TMPRSS6: variants seen among roughly 807,000 people sequenced by gnomAD.
The protein encoded by TMPRSS6 is transmembrane protease serine 6.
TMPRSS6 carries 67 observed loss-of-function variants against 101.5 expected under a neutral mutation model. That is an observed-to-expected ratio of 0.66 (90% CI 0.54 to 0.81). The LOEUF (loss-of-function observed/expected upper bound fraction) is 0.81, where lower values mean the gene tolerates loss of function less well. Ranked by LOEUF, TMPRSS6 falls within the 30% of genes least tolerant of loss-of-function variation. The pLI, the probability that TMPRSS6 is intolerant of heterozygous loss-of-function variation, is 0.00. For missense variants in TMPRSS6, 1,034 were observed against 1,088.7 expected (o/e 0.95, Z 0.71); for synonymous variants, 453 against 464.9 (o/e 0.97, Z 0.33).
At chr22:37,087,237 A>G (rs1343139364) in intron 7 of TMPRSS6, among the ~76,000 whole-genome samples, 1 of 152,134 alleles carries the variant, frequency 6.6e-6, no homozygotes, top group African/African-American at 2.4e-5. Context: ...AGTCCAGCGC[A>G]TCTGATGGGT....
chr22:37,067,034 A>T, intron 16 of TMPRSS6, 72 bp from the exon 17 acceptor site: 1 of 1,587,902 alleles, frequency 6.3e-7, no homozygotes, highest in South Asian at 1.1e-5. Context: ...CCCTAACATT[A>T]TTCCCTTTGC....
At chr22:37,083,231 G>A (rs1928403931) in intron 10 of TMPRSS6, 4 of 372,172 alleles carry the variant, frequency 1.1e-5, no homozygotes, top group South Asian at 4.2e-5. Flanking sequence ...CACGATGACC[G>A]TTTTCACCCC....
chr22:37,066,862 A>G lies in TMPRSS6; in HGVS notation c.2214T>C (p.Cys738=). The change falls in exon 17 of 18, where the codon TGT becomes TGC. Residue 738 remains cysteine (C), a synonymous_variant. Transcript: ENST00000676104. The part of the protein sequence containing the change: ...YRYQVTPRML[C]AGYRKGKKDA... Reference sequence around the variant, plus strand: ...CCTTCTTGCCCTTGCGGTAGCCGGCACACAGCATGCGTGGCGTCACCTGGT... The same window carrying G: ...CCTTCTTGCCCTTGCGGTAGCCGGCGCACAGCATGCGTGGCGTCACCTGGT... The G allele has an allele frequency of 6.2e-7, 1 of 1,614,148 alleles. No homozygotes were observed. The highest frequency in any genetic ancestry group is 8.5e-7 in the Non-Finnish European group (1 of 1,180,016).
intron 13 of TMPRSS6, among the ~76,000 whole-genome samples, chr22:37,073,160 GTGGA>G (rs375343726): frequency 5.8e-5 from 8 of 138,262 alleles, no homozygotes; most frequent in East Asian, 4.2e-4. Flanking sequence ...AGATGGGTGG[GTGGA>G]TGGATGGATG....
rs1926214698 is a variant in TMPRSS6 at position 37,065,771 on chromosome 22, C to T, written c.*309G>A. 2.2e-6 allele frequency: 1 copy of T among 445,476 alleles called. No homozygotes were observed. Among genetic ancestry groups the T allele is most frequent in the Non-Finnish European group, 4.2e-6 (1 of 239,896 alleles). 27.6% of individuals were successfully genotyped at this position (445,476 alleles called of 1,614,324 possible). A position where few individuals can be genotyped will look rare whatever the true frequency, so the allele number is the denominator to read the frequency against. Reference sequence around the variant, plus strand: ...TCGGGATGTAGAACCAGCATTCTTGCTGCTGAGCCACTGCCTTGCATTAGG... The same window carrying T: ...TCGGGATGTAGAACCAGCATTCTTGTTGCTGAGCCACTGCCTTGCATTAGG... On this transcript the variant is annotated 3_prime_UTR_variant, in exon 18 of 18. Coordinates refer to ENST00000676104, the MANE Select transcript of TMPRSS6 (RefSeq NM_001374504.1).
At chr22:37,073,421 CAGAG>C in intron 13 of TMPRSS6, 107 bp downstream of exon 13, 1 of 691,500 alleles carries the variant, frequency 1.4e-6, no homozygotes. Context: ...GATGTAAATA[CAGAG>C]GGGTTGGTGG....
At chr22:37,078,523 A>C (rs1189229769) in intron 10 of TMPRSS6, among the ~76,000 whole-genome samples, 1 of 152,108 alleles carries the variant, frequency 6.6e-6, no homozygotes, top group Non-Finnish European at 1.5e-5. Context: ...TCTGCTTAGA[A>C]AGCGCCAGAG....
Position 37,109,627 on chromosome 22 carries a change from C to T in TMPRSS6, c.-126G>A, listed in dbSNP as rs1410812459. On this transcript the variant is annotated 5_prime_UTR_variant, in exon 1 of 18. Transcript: ENST00000676104. Reference sequence around the variant, plus strand: ...CTGGATCAATGGCCTAGAGCCATGACCAGGGTGTCTGGCCCTTGTCCCCTG... The same window carrying T: ...CTGGATCAATGGCCTAGAGCCATGATCAGGGTGTCTGGCCCTTGTCCCCTG... 1 of 152,278 alleles carries T rather than the reference C, an allele frequency of 6.6e-6. No homozygotes were observed. The highest frequency in any genetic ancestry group is 2.4e-5 in the African/African-American group (1 of 41,430). The allele number at this position is 152,278 out of a possible 1,614,324, so 9.4% of individuals were successfully genotyped here.
chr22:37,080,586 G>A (rs769339571), intron 10 of TMPRSS6, among the ~76,000 whole-genome samples: 33 of 152,226 alleles, frequency 2.2e-4, no homozygotes, highest in Admixed American at 7.9e-4. Flanking sequence ...GATCACTATC[G>A]CCCATGATCA....
intron 13 of TMPRSS6, 96 bp from the exon 14 acceptor site, chr22:37,071,128 G>T: frequency 1.8e-6 from 2 of 1,097,958 alleles, no homozygotes; most frequent in Admixed American, 1.9e-5. Flanking sequence ...GGAGCCAGAA[G>T]AGCCAGGAGG....
chr22:37,095,640 A>AG (rs1569020913), intron 5 of TMPRSS6, 48 bp from the exon 6 acceptor site: 2 of 1,529,652 alleles, frequency 1.3e-6, no homozygotes, highest in African/African-American at 1.4e-5. Context: ...AAAAAAAAAA[A>AG]AAAAGAAAAG....
Position 37,066,286 on chromosome 22 carries a change from C to G in TMPRSS6, c.2251-48G>C, listed in dbSNP as rs532591128. 1.2e-5 allele frequency: 18 copies of G among 1,535,998 alleles called. No homozygotes were observed. The African/African-American group carries it at 2.1e-4, about 18-fold the overall frequency. On this transcript the variant is annotated intron_variant, in intron 17 of 17. Coordinates refer to ENST00000676104, the MANE Select transcript of TMPRSS6 (RefSeq NM_001374504.1). ...GACTGAAGCAGGGTAAGGGCACCCC[C>G]TTTTCCAGGTGAAGAGCCATAGGGA...
At chr22:37,100,271 C>T (rs935831407) in intron 2 of TMPRSS6, among the ~76,000 whole-genome samples, 18 of 152,226 alleles carry the variant, frequency 1.2e-4, no homozygotes, top group African/African-American at 4.3e-4. Flanking sequence ...TGGCCCCAAG[C>T]GAGGTTTTAA....
intron 10 of TMPRSS6, among the ~76,000 whole-genome samples, chr22:37,078,948 G>A (rs200882516): frequency 0.23 from 23,267 of 99,848 alleles, 2,860 homozygotes; most frequent in East Asian, 0.29. Flanking sequence ...AGAAGGAGAA[G>A]GAGAAAAAGA....
intron 6 of TMPRSS6, 40 bp downstream of exon 6, chr22:37,095,511 C>A: frequency 1.2e-6 from 2 of 1,610,220 alleles, no homozygotes; most frequent in Non-Finnish European, 1.7e-6. Flanking sequence ...CAAATGCCAA[C>A]TCAAAAGGAA....
chr22:37,081,699 C>T (rs1178974253), intron 10 of TMPRSS6, among the ~76,000 whole-genome samples: 1 of 152,174 alleles, frequency 6.6e-6, no homozygotes, highest in East Asian at 1.9e-4. Flanking sequence ...ATCCTCACCA[C>T]CCAGCCACCG....
chr22:37,108,459 C>A (rs562622369), intron 1 of TMPRSS6, among the ~76,000 whole-genome samples: 13 of 152,180 alleles, frequency 8.5e-5, no homozygotes, highest in Non-Finnish European at 1.9e-4. Context: ...GCCACAGGGG[C>A]CTGAAGCAGT....
intron 11 of TMPRSS6, 131 bp from the exon 12 acceptor site, chr22:37,074,839 C>G: frequency 1.0e-6 from 1 of 969,200 alleles, no homozygotes; most frequent in Non-Finnish European, 1.6e-6. Context: ...AGACGTGGTC[C>G]TGGGCACCTG....
rs1926549124 is a variant in TMPRSS6 at position 37,068,560 on chromosome 22, G to A, written c.2113+513C>T. On this transcript the variant is annotated intron_variant, in intron 16 of 17. Transcript: ENST00000676104. ...AGCAGGAAGAGCAGGGGCTCTGGAGGCAGCCAGCCCTGGGTTCTAATCTTT... is the reference window on the plus strand; with the variant it reads ...AGCAGGAAGAGCAGGGGCTCTGGAGACAGCCAGCCCTGGGTTCTAATCTTT... 4 of 778,046 alleles carry A rather than the reference G, an allele frequency of 5.1e-6. No individual in the cohort carries two copies. The Admixed American group carries it at 6.8e-5, about 13-fold the overall frequency. The allele number at this position is 778,046 out of a possible 1,614,324, so 48.2% of individuals were successfully genotyped here.
Sources: gnomAD v4.1 joint callset for allele counts (sites outside exome capture counted in the v4.1 genomes callset) on GRCh38, gnomAD v4.1.1 for gene constraint, MANE v1.5 for transcripts, NCBI Gene and HGNC (gene_info 2026-07-23, HGNC 2026-07-21) for gene names.